The following H2BC18 variants were observed in gnomAD, a reference collection of about 807,000 sequenced individuals.
H2BC18 encodes H2B clustered histone 18.
A neutral mutation model predicts 6.3 loss-of-function variants in H2BC18; 8 were observed. The observed-to-expected ratio is 1.28, with a 90% CI of 0.75 to 2.31. H2BC18 has a LOEUF of 2.31. Ranked by LOEUF, H2BC18 falls within the 30% of genes most tolerant of loss-of-function variation. H2BC18 has a pLI of 0.00. For missense variants in H2BC18, 106 were observed against 174.5 expected, an observed-to-expected ratio of 0.61 and a Z score of 2.21; for synonymous variants, 104 against 78.1, an observed-to-expected ratio of 1.33 and a Z score of -1.75.
Position 149,794,086 on chromosome 1 carries a change from G to A in H2BC18, c.378-10826C>T, listed in dbSNP as rs1397606391. Reference sequence around the variant, plus strand: ...GGCTTAGTTGGAGACAGATTCCTCGGGCTGTAGAGAGACAACAGTAGAAGC... The same window carrying A: ...GGCTTAGTTGGAGACAGATTCCTCGAGCTGTAGAGAGACAACAGTAGAAGC... On this transcript the variant is annotated intron_variant, in intron 1 of 1. Coordinates refer to the H2BC18 transcript ENST00000545683. The A allele has an allele frequency of 7.8e-6, 4 of 514,432 alleles. No individual in the cohort carries two copies. In the East Asian group the frequency reaches 2.7e-4, roughly 35 times the overall value. The allele number at this position is 514,432 out of a possible 1,614,324, so 31.9% of individuals were successfully genotyped here.
chr1:149,809,917 A>G (rs1185831905), downstream of H2BC18, among the ~76,000 whole-genome samples: 1 of 150,840 alleles, frequency 6.6e-6, no homozygotes, highest in Non-Finnish European at 1.5e-5. Flanking sequence ...AATGCTTTAC[A>G]TGACAGTAGA....
chr1:149,790,672 C>G (rs1227847389), intron 1 of H2BC18, among the ~76,000 whole-genome samples: 1 of 150,538 alleles, frequency 6.6e-6, no homozygotes, highest in Non-Finnish European at 1.5e-5. Flanking sequence ...CCTTCTCTCT[C>G]TCTCTCTCCC....
chr1:149,797,752 G>A (rs1187478626), intron 1 of H2BC18, among the ~76,000 whole-genome samples: 1 of 152,112 alleles, frequency 6.6e-6, no homozygotes, highest in Non-Finnish European at 1.5e-5. Context: ...CGTGCACCAC[G>A]ACATCCAGCT....
At chr1:149,802,122 G>A (rs1368936787) in intron 1 of H2BC18, among the ~76,000 whole-genome samples, 1 of 152,032 alleles carries the variant, frequency 6.6e-6, no homozygotes, top group African/African-American at 2.4e-5. Flanking sequence ...GGGCAGGCGG[G>A]AGTTATTTAA....
intron 1 of H2BC18, chr1:149,803,878 A>ATTTG (rs1328515881): frequency 6.9e-4 from 105 of 152,346 alleles, no homozygotes; most frequent in African/African-American, 2.4e-3. Context: ...TTGGACTGTA[A>ATTTG]TTTGAAGAGA....
downstream of H2BC18, chr1:149,810,357 T>C (rs1227985690): frequency 4.6e-5 from 7 of 151,914 alleles, no homozygotes; most frequent in Non-Finnish European, 8.8e-5. Context: ...CAGAAAAAGA[T>C]GACTAAACTG....
At chr1:149,798,870 C>T (rs1462430236) in intron 1 of H2BC18, among the ~76,000 whole-genome samples, 4 of 151,926 alleles carry the variant, frequency 2.6e-5, no homozygotes, top group African/African-American at 4.8e-5. Flanking sequence ...GCCTCAGCTT[C>T]CCAAAGTGCC....
At chr1:149,792,345 T>C (rs1396613869) in intron 1 of H2BC18, 2 of 298,434 alleles carry the variant, frequency 6.7e-6, no homozygotes, top group Non-Finnish European at 1.1e-5. Flanking sequence ...TTGCTTTACC[T>C]TCCTGATTTT....
intron 1 of H2BC18, among the ~76,000 whole-genome samples, chr1:149,797,165 G>A (rs1226999040): frequency 3.9e-5 from 6 of 152,114 alleles, no homozygotes; most frequent in African/African-American, 9.7e-5. Flanking sequence ...CACCCACCTC[G>A]CCCTCCCAAA....
rs1394950531 is a variant in H2BC18 at position 149,802,219 on chromosome 1, A to G, written c.377+9728T>C. ...TCAAACACTTAAAAAGATCCATGAAAAATCTCCTACAAAGACACTTAAATA... is the reference window on the plus strand; with the variant it reads ...TCAAACACTTAAAAAGATCCATGAAGAATCTCCTACAAAGACACTTAAATA... On this transcript the variant is annotated intron_variant, in intron 1 of 1. Transcript: ENST00000545683. Among the ~76,000 whole-genome samples, 14 of 152,330 alleles carry G rather than the reference A, an allele frequency of 9.2e-5. 1 individual carries two copies. The highest frequency in any genetic ancestry group is 3.9e-4 in the East Asian group (2 of 5,176).
At chr1:149,795,962 A>T (rs1156330762) in intron 1 of H2BC18, among the ~76,000 whole-genome samples, 3 of 151,286 alleles carry the variant, frequency 2.0e-5, no homozygotes, top group Non-Finnish European at 4.4e-5. Context: ...GGCAACGGAA[A>T]GCAGGATGTC....
intron 1 of H2BC18, among the ~76,000 whole-genome samples, chr1:149,794,295 C>A (rs1362452262): frequency 6.6e-6 from 1 of 151,520 alleles, no homozygotes; most frequent in African/African-American, 2.4e-5. Context: ...GATTTTGGGT[C>A]AAAGCAATAA....
intron 1 of H2BC18, among the ~76,000 whole-genome samples, chr1:149,797,380 C>A (rs2091811876): frequency 6.6e-6 from 1 of 152,002 alleles, no homozygotes. Context: ...ATCAAAAATA[C>A]ACATCATTTT....
chr1:149,788,165 G>A, intron 1 of H2BC18: 1 of 836,832 alleles, frequency 1.2e-6, no homozygotes, highest in Admixed American at 2.9e-5. Context: ...AGAAAGGGCT[G>A]TGTACGCAGT....
chr1:149,786,637 T>G (rs2091558069), intron 1 of H2BC18: 1 of 151,958 alleles, frequency 6.6e-6, no homozygotes, highest in Admixed American at 6.6e-5. Context: ...GACACCAAAG[T>G]CATGAAGGTA....
chr1:149,809,366 G>T (rs2091951140), downstream of H2BC18, among the ~76,000 whole-genome samples: 1 of 149,974 alleles, frequency 6.7e-6, no homozygotes, highest in Admixed American at 6.7e-5. Context: ...GAGGATTTTT[G>T]AATCTATAAC....
At chr1:149,799,534 G>A (rs1553753084) in intron 1 of H2BC18, among the ~76,000 whole-genome samples, 1 of 151,942 alleles carries the variant, frequency 6.6e-6, no homozygotes, top group East Asian at 1.9e-4. Flanking sequence ...CTACACAATA[G>A]TAGGTTGTAC....
At chr1:149,801,096 A>T (rs1256708074) in intron 1 of H2BC18, among the ~76,000 whole-genome samples, 1 of 152,122 alleles carries the variant, frequency 6.6e-6, no homozygotes, top group Non-Finnish European at 1.5e-5. Context: ...TAGAAAATAA[A>T]TAAAAAGACT....
chr1:149,788,380 C>T, intron 1 of H2BC18: 1 of 1,612,974 alleles, frequency 6.2e-7, no homozygotes, highest in Non-Finnish European at 8.5e-7. Flanking sequence ...GCTACTACTG[C>T]AGGTCTCCAG....
Sources: allele counts gnomAD v4.1 joint callset (sites outside exome capture counted in the v4.1 genomes callset), GRCh38; gene constraint gnomAD v4.1.1; transcripts MANE v1.5; gene names NCBI Gene and HGNC (gene_info 2026-07-23, HGNC 2026-07-21).